CDH4: variants seen among roughly 807,000 people sequenced by gnomAD.
CDH4 encodes cadherin 4.
CDH4 carries 33 observed loss-of-function variants against 86.0 expected under a neutral mutation model. The observed-to-expected ratio is 0.38, with a 90% CI of 0.29 to 0.51. The LOEUF is 0.51. CDH4 is among the 20% of genes least tolerant of loss of function. The pLI is 0.86. For missense variants in CDH4, 1,114 were observed against 1,307.4 expected (o/e 0.85, Z 2.28); for synonymous variants, 555 against 549.4 (o/e 1.01, Z -0.14).
intron 6 of CDH4, among the ~76,000 whole-genome samples, chr20:61,867,938 G>A (rs576235422): frequency 1.2e-4 from 18 of 152,334 alleles, no homozygotes; most frequent in Admixed American, 5.2e-4. Flanking sequence ...TCTTCTCTGT[G>A]AGGAAGACAT....
chr20:61,328,231 A>G (rs1027307581), intron 2 of CDH4, among the ~76,000 whole-genome samples: 2 of 152,116 alleles, frequency 1.3e-5, no homozygotes, highest in African/African-American at 4.8e-5. Context: ...GCTGGAGTGC[A>G]GTGGTGCAAT....
At chr20:61,513,950 G>A (rs974888125) in intron 2 of CDH4, among the ~76,000 whole-genome samples, 2 of 152,202 alleles carry the variant, frequency 1.3e-5, no homozygotes, top group African/African-American at 2.4e-5. Context: ...AGAAAGGAGG[G>A]CATTTATTTG....
chr20:61,781,944 C>CA (rs1391262329), intron 4 of CDH4, among the ~76,000 whole-genome samples: 2 of 152,188 alleles, frequency 1.3e-5, no homozygotes, highest in Non-Finnish European at 2.9e-5. Context: ...GCCAACAGAA[C>CA]AACTTCTTTA....
At chr20:61,383,075 T>TAATATATATG (rs1568822038) in intron 2 of CDH4, among the ~76,000 whole-genome samples, 3 of 122,542 alleles carry the variant, frequency 2.4e-5, no homozygotes, top group African/African-American at 1.1e-4. Flanking sequence ...CATATATATA[T>TAATATATATG]AATATATATA....
At chr20:61,511,191 G>A (rs57606090) in intron 2 of CDH4, among the ~76,000 whole-genome samples, 4,746 of 152,316 alleles carry the variant, frequency 0.031, 244 homozygotes, top group African/African-American at 0.11. Context: ...GGGCGGGACC[G>A]TGTTATCCAT....
intron 2 of CDH4, among the ~76,000 whole-genome samples, chr20:61,474,152 CTTTTTTT>C (rs10551077): frequency 2.5e-5 from 1 of 40,020 alleles, no homozygotes; most frequent in Non-Finnish European, 4.1e-5. Flanking sequence ...TGGAATAGGA[CTTTTTTT>C]TTTTTTTTTT....
At chr20:61,369,774 CGG>C (rs2123333067) in intron 2 of CDH4, 1 of 151,680 alleles carries the variant, frequency 6.6e-6, no homozygotes, top group South Asian at 2.1e-4. Context: ...GGACAGGGCT[CGG>C]GGGCACTTCA....
chr20:61,489,956 G>A (rs1266967740), intron 2 of CDH4, among the ~76,000 whole-genome samples: 2 of 152,158 alleles, frequency 1.3e-5, no homozygotes, highest in East Asian at 3.9e-4. Flanking sequence ...TGGGCCCAAG[G>A]AGTTGTATTT....
At chr20:61,840,452 C>A (rs1274639737) in intron 4 of CDH4, among the ~76,000 whole-genome samples, 1 of 152,256 alleles carries the variant, frequency 6.6e-6, no homozygotes, top group East Asian at 1.9e-4. Flanking sequence ...CGTTTCATGT[C>A]ATCCAGCCAT....
rs1479549854 is a variant in CDH4 at position 61,362,610 on chromosome 20, TGAAGG to T, written c.169+107678_169+107682del. 8.0e-5 allele frequency among the ~76,000 whole-genome samples: 12 copies of T among 150,572 alleles called. No individual in the cohort carries two copies. The East Asian group carries it at 2.4e-3, about 30-fold the overall frequency. On this transcript the variant is annotated intron_variant, in intron 2 of 15. Transcript: ENST00000614565. ...GTGGCCTAGGACAGTGTAGTGGAAG[TGAAGG>T]GAAGTGGTGAGATTCAGCGGGTCAG... is the stretch of plus-strand genomic sequence containing the variant.
intron 2 of CDH4, among the ~76,000 whole-genome samples, chr20:61,455,582 A>G (rs1163011835): frequency 2.0e-5 from 3 of 152,248 alleles, no homozygotes; most frequent in Admixed American, 2.0e-4. Context: ...GGGTAATCAT[A>G]AACTTCTAGG....
intron 4 of CDH4, among the ~76,000 whole-genome samples, chr20:61,803,966 C>G (rs1416736594): frequency 6.6e-6 from 1 of 152,228 alleles, no homozygotes; most frequent in African/African-American, 2.4e-5. Context: ...GAAGCAGAAA[C>G]GAGTGAAACT....
At chr20:61,747,216 C>T (rs964994103) in intron 3 of CDH4, among the ~76,000 whole-genome samples, 15 of 152,080 alleles carry the variant, frequency 9.9e-5, no homozygotes, top group South Asian at 2.1e-4. Flanking sequence ...CCGAGGCGGG[C>T]GGATCATGAG....
intron 2 of CDH4, among the ~76,000 whole-genome samples, chr20:61,414,800 C>T (rs1600955655): frequency 6.6e-6 from 1 of 152,300 alleles, no homozygotes; most frequent in East Asian, 1.9e-4. Context: ...TTAGCAGAGC[C>T]GAGAGCTGTG....
At chr20:61,927,791 G>A (rs1173727755) in intron 11 of CDH4, among the ~76,000 whole-genome samples, 5 of 152,208 alleles carry the variant, frequency 3.3e-5, no homozygotes, top group Admixed American at 6.5e-5. Context: ...GAGTTTCCAC[G>A]TGAATGCCAC....
chr20:61,713,081 C>T (rs552736408), intron 2 of CDH4, among the ~76,000 whole-genome samples: 1 of 152,326 alleles, frequency 6.6e-6, no homozygotes, highest in South Asian at 2.1e-4. Flanking sequence ...GTTCTGGCCC[C>T]ATCTTCCCAT....
chr20:61,823,166 A>G (rs1292508942), intron 4 of CDH4, among the ~76,000 whole-genome samples: 2 of 107,176 alleles, frequency 1.9e-5, no homozygotes, highest in Non-Finnish European at 4.0e-5. Context: ...GCCCACTCAC[A>G]CTGTTGAGGG....
At chr20:61,874,858 G>A (rs1983950338) in intron 7 of CDH4, among the ~76,000 whole-genome samples, 1 of 152,244 alleles carries the variant, frequency 6.6e-6, no homozygotes. Context: ...CTCACAGCCA[G>A]TGCAGCCCTG....
chr20:61,349,421 A>G (rs1252916851), intron 2 of CDH4, among the ~76,000 whole-genome samples: 5 of 152,220 alleles, frequency 3.3e-5, no homozygotes. Context: ...TTTGATGTGA[A>G]TTGAATCATA....
Sources: allele counts gnomAD v4.1 joint callset (sites outside exome capture counted in the v4.1 genomes callset), GRCh38; gene constraint gnomAD v4.1.1; transcripts MANE v1.5; gene names NCBI Gene and HGNC (gene_info 2026-07-23, HGNC 2026-07-21).